NCKAP1: variants seen among roughly 807,000 people sequenced by gnomAD.
The protein encoded by NCKAP1 is nck-associated protein 1.
A neutral mutation model predicts 151.2 loss-of-function variants in NCKAP1; 21 were observed. The observed-to-expected ratio is 0.14, with a 90% CI of 0.10 to 0.20. The LOEUF is 0.20. NCKAP1 is among the 10% of genes least tolerant of loss of function. The probability of loss-of-function intolerance (pLI) is 1.00; values close to 1 mark genes in which losing one functional copy is unlikely to be tolerated. For missense variants in NCKAP1, 933 were observed against 1,352.1 expected (o/e 0.69, Z 4.86); for synonymous variants, 484 against 451.8 (o/e 1.07, Z -0.90).
rs563534406 is a variant in NCKAP1 at position 182,923,593 on chromosome 2, G to GT, written c.*2108dup. 4.6e-5 allele frequency: 7 copies of GT among 151,994 alleles called. No individual in the cohort carries two copies. Among genetic ancestry groups the GT allele is most frequent in the Non-Finnish European group, 1.0e-4 (7 of 67,996 alleles). 9.4% of individuals were successfully genotyped at this position (151,994 alleles called of 1,614,324 possible). On this transcript the variant is annotated 3_prime_UTR_variant, in exon 31 of 31. Coordinates refer to ENST00000361354, the MANE Select transcript of NCKAP1 (RefSeq NM_013436.5). ...CCATGAAATTGTTAAATTAGTTATG[G>GT]TATCTATAAAGGTATTAAAAAGAAT...
At chr2:182,985,357 A>G (rs1051160116) in intron 10 of NCKAP1, among the ~76,000 whole-genome samples, 1 of 152,132 alleles carries the variant, frequency 6.6e-6, no homozygotes, top group South Asian at 2.1e-4. Flanking sequence ...TATATCATAT[A>G]TGTAACAAAG....
In NCKAP1 at chr2:182,982,875, A is replaced by T; in HGVS notation, c.1154T>A (p.Leu385Gln). 6.2e-7 allele frequency: 1 copy of T among 1,612,298 alleles called. No individual in the cohort carries two copies. The highest frequency in any genetic ancestry group is 8.5e-7 in the Non-Finnish European group (1 of 1,179,156). ...TGGCATGTTATCTGCATGACGAAGT[A>T]GCCAGATGATTTCATCACGGGCAAA... ...LSFARDEIIW[L>Q]LRHADNMPKK... Residue 385 changes from leucine to glutamine, a missense_variant, in exon 12 of 31, where the codon CTA (leucine) becomes CAA (glutamine). Physicochemically the swap from Leu to Gln is moderately radical, Grantham distance 113. This residue lies in a region of NCKAP1 where 607 missense variants were observed against 795.0 expected (regional missense o/e 0.76). Coordinates refer to ENST00000361354, the MANE Select transcript of NCKAP1 (RefSeq NM_013436.5).
intron 18 of NCKAP1, among the ~76,000 whole-genome samples, chr2:182,960,880 A>T (rs528422566): frequency 2.1e-4 from 31 of 150,222 alleles, no homozygotes; most frequent in Non-Finnish European, 3.1e-4. Flanking sequence ...TCAAACAAAT[A>T]TACAAGAAAA....
chr2:182,927,080 G>A (rs1215095597), intron 29 of NCKAP1, 175 bp from the exon 30 acceptor site: 2 of 495,748 alleles, frequency 4.0e-6, no homozygotes, highest in South Asian at 5.9e-5. Flanking sequence ...AATTTAGAGA[G>A]TAATTAAGGC....
chr2:182,994,377 C>T (rs1022160391), intron 8 of NCKAP1, among the ~76,000 whole-genome samples: 2 of 152,102 alleles, frequency 1.3e-5, no homozygotes, highest in African/African-American at 4.8e-5. Flanking sequence ...GTGGCTCACA[C>T]CGATAATCCC....
chr2:182,931,378 T>C (rs1464821644), intron 26 of NCKAP1, among the ~76,000 whole-genome samples: 1 of 152,086 alleles, frequency 6.6e-6, no homozygotes, highest in African/African-American at 2.4e-5. Flanking sequence ...ATATAACTGG[T>C]TACCTCTGAT....
At chr2:183,017,142 T>C (rs1698707877) in intron 2 of NCKAP1, among the ~76,000 whole-genome samples, 1 of 152,160 alleles carries the variant, frequency 6.6e-6, no homozygotes. Context: ...AATTCAGCTC[T>C]AGAGCAGCAG....
rs1001698375 is a variant in NCKAP1 at position 182,921,512 on chromosome 2, A to T, written c.*4190T>A. The T allele has an allele frequency of 1.3e-5, 2 of 152,342 alleles. No homozygotes were observed. Among genetic ancestry groups the T allele is most frequent in the African/African-American group, 2.4e-5 (1 of 41,566 alleles). 9.4% of individuals were successfully genotyped at this position (152,342 alleles called of 1,614,324 possible). A position where few individuals can be genotyped will look rare whatever the true frequency, so the allele number is the denominator to read the frequency against. On this transcript the variant is annotated 3_prime_UTR_variant, in exon 31 of 31. Coordinates refer to ENST00000361354, the MANE Select transcript of NCKAP1 (RefSeq NM_013436.5). ...CCCATTTACCAAGTTTGTGGCCCTC[A>T]TGTAAGAGGTGACCAAGATGCACCT...
At chr2:182,956,278 G>T (rs569216525) in intron 20 of NCKAP1, among the ~76,000 whole-genome samples, 184 bp downstream of exon 20, 4 of 152,274 alleles carry the variant, frequency 2.6e-5, no homozygotes, top group African/African-American at 9.6e-5. Context: ...CTGACCTCGT[G>T]ATCTGCCCAC....
At chr2:182,993,250 GTAA>G (rs1559097548) in intron 8 of NCKAP1, among the ~76,000 whole-genome samples, 1 of 152,138 alleles carries the variant, frequency 6.6e-6, no homozygotes, top group Non-Finnish European at 1.5e-5. Flanking sequence ...TGGACTCAAT[GTAA>G]TACTCATTAT....
intron 1 of NCKAP1, among the ~76,000 whole-genome samples, chr2:183,034,149 T>C (rs1381004417): frequency 2.0e-5 from 3 of 152,276 alleles, no homozygotes; most frequent in African/African-American, 7.2e-5. Context: ...CCTGCACTGC[T>C]CCCTTCACAA....
chr2:182,986,675 G>A (rs914091774), intron 9 of NCKAP1, among the ~76,000 whole-genome samples: 1 of 152,216 alleles, frequency 6.6e-6, no homozygotes, highest in Non-Finnish European at 1.5e-5. Flanking sequence ...AGTAATGACT[G>A]TTTGGATAAA....
At chr2:183,037,072 G>GT (rs1699116136) in intron 1 of NCKAP1, among the ~76,000 whole-genome samples, 1 of 152,146 alleles carries the variant, frequency 6.6e-6, no homozygotes, top group Non-Finnish European at 1.5e-5. Context: ...GATAATGAAT[G>GT]TAATTATTTG....
chr2:182,920,532 T>C lies in NCKAP1; in HGVS notation c.*5170A>G, dbSNP rs1414364511. 6.6e-6 allele frequency: 1 copy of C among 152,176 alleles called. No homozygotes were observed. The highest frequency in any genetic ancestry group is 2.1e-4 in the South Asian group (1 of 4,832). 9.4% of individuals were successfully genotyped at this position (152,176 alleles called of 1,614,324 possible). On this transcript the variant is annotated 3_prime_UTR_variant, in exon 31 of 31. Transcript: ENST00000361354. ...ACTGTGAACAATAAATTTGTTACTA[T>C]AAAAAAACTTCTTGCTTATAGTTCT... is the stretch of plus-strand genomic sequence containing the variant.
At chr2:182,939,257 C>T (rs1559073645) in intron 24 of NCKAP1, among the ~76,000 whole-genome samples, 1 of 152,042 alleles carries the variant, frequency 6.6e-6, no homozygotes, top group Non-Finnish European at 1.5e-5. Context: ...AGGCCAGGCA[C>T]GGTGGCTCAC....
Position 182,928,707 on chromosome 2 carries a change from C to G in NCKAP1, c.3070+76G>C. The G allele has an allele frequency of 2.9e-6, 3 of 1,025,050 alleles. No individual in the cohort carries two copies. In the South Asian group the frequency reaches 5.0e-5, roughly 17 times the overall value. 63.5% of individuals were successfully genotyped at this position (1,025,050 alleles called of 1,614,324 possible). A position where few individuals can be genotyped will look rare whatever the true frequency, so the allele number is the denominator to read the frequency against. ...GTTCCACTGCCAGTTAGTGGCAGAACTTAACTCATATTTTATTATAAAATA... is the reference window on the plus strand; with the variant it reads ...GTTCCACTGCCAGTTAGTGGCAGAAGTTAACTCATATTTTATTATAAAATA... On this transcript the variant is annotated intron_variant, in intron 28 of 30. Coordinates refer to ENST00000361354, the MANE Select transcript of NCKAP1 (RefSeq NM_013436.5).
chr2:182,970,275 C>G lies in NCKAP1; in HGVS notation c.1483-2914G>C, dbSNP rs142630095. 9.1e-3 allele frequency among the ~76,000 whole-genome samples: 1,384 copies of G among 152,250 alleles called. 21 individuals are homozygous for G. The highest frequency in any genetic ancestry group is 0.032 in the African/African-American group (1,339 of 41,556). On this transcript the variant is annotated intron_variant, in intron 15 of 30. Coordinates refer to ENST00000361354, the MANE Select transcript of NCKAP1 (RefSeq NM_013436.5). Reference sequence around the variant, plus strand: ...ACTCATTCTATGAGGCCAGCATTACCCTGATACCAAAACCAGACAAAGACA... The same window carrying G: ...ACTCATTCTATGAGGCCAGCATTACGCTGATACCAAAACCAGACAAAGACA...
In NCKAP1 at chr2:183,023,897, G is replaced by C; in HGVS notation, c.128C>G (p.Ala43Gly). The C allele has an allele frequency of 6.2e-7, 1 of 1,611,242 alleles. No individual in the cohort carries two copies. Among genetic ancestry groups the C allele is most frequent in the African/African-American group, 1.3e-5 (1 of 74,846 alleles). The change falls in exon 2 of 31, where the codon GCA becomes GGA. Residue 43 changes from alanine to glycine, a missense_variant. By Grantham distance (60) the Ala-to-Gly change is moderately conservative. This residue lies in a region of NCKAP1 where 607 missense variants were observed against 795.0 expected (regional missense o/e 0.76). Coordinates refer to ENST00000361354, the MANE Select transcript of NCKAP1 (RefSeq NM_013436.5). ...NIKKACGDPK[A>G]KPSYLIDKNL... ...TTTGTCGATAAGATAGGATGGTTTTGCCTTGGGGTCTCCACATGCCTATAA... is the reference window on the plus strand; with the variant it reads ...TTTGTCGATAAGATAGGATGGTTTTCCCTTGGGGTCTCCACATGCCTATAA...
Position 183,023,791 on chromosome 2 carries a change from A to T in NCKAP1, c.219+15T>A. ...ATGCTTAAAATTAAGCAATAGAAAA[A>T]TTTAGATAACTTACATTGTTGTTGC... On this transcript the variant is annotated intron_variant, in intron 2 of 30. Coordinates refer to ENST00000361354, the MANE Select transcript of NCKAP1 (RefSeq NM_013436.5). The T allele has an allele frequency of 6.3e-7, 1 of 1,584,440 alleles. No homozygotes were observed. Among genetic ancestry groups the T allele is most frequent in the Non-Finnish European group, 8.7e-7 (1 of 1,153,602 alleles).
Sources: gnomAD v4.1 joint callset for allele counts (sites outside exome capture counted in the v4.1 genomes callset) on GRCh38, gnomAD v4.1.1 for gene constraint, gnomAD v4.1.1 regional missense constraint, MANE v1.5 for transcripts, NCBI Gene and HGNC (gene_info 2026-07-23, HGNC 2026-07-21) for gene names.